Variants in PSMF1 observed in about 807,000 individuals in gnomAD.
The protein encoded by PSMF1 is proteasome inhibitor PI31 subunit.
Under a neutral mutation model 29.3 loss-of-function variants are expected in PSMF1, and 30 were observed. That is an observed-to-expected ratio of 1.02 (90% CI 0.77 to 1.39). The LOEUF (loss-of-function observed/expected upper bound fraction) is 1.39, where lower values mean the gene tolerates loss of function less well. PSMF1 is among the 40% of genes most tolerant of loss of function. The pLI, the probability that PSMF1 is intolerant of heterozygous loss-of-function variation, is 0.00. For synonymous variants in PSMF1, 134 were observed against 139.7 expected (o/e 0.96, Z 0.29); for missense variants, 344 against 357.5 (o/e 0.96, Z 0.31).
chr20:1,116,108 A>G (rs2086010054), upstream of PSMF1, among the ~76,000 whole-genome samples: 1 of 151,758 alleles, frequency 6.6e-6, no homozygotes, highest in Admixed American at 6.6e-5. Flanking sequence ...TCTGGCCCAC[A>G]GTAGGCACTT....
intron 4 of PSMF1, among the ~76,000 whole-genome samples, chr20:1,159,606 A>T (rs1006024799): frequency 1.3e-5 from 2 of 152,124 alleles, no homozygotes; most frequent in Non-Finnish European, 2.9e-5. Context: ...GAAGCCCCCT[A>T]TGTTTGCCAC....
At chr20:1,117,037 T>G (rs1373200166), upstream of PSMF1, among the ~76,000 whole-genome samples, 1 of 152,068 alleles carries the variant, frequency 6.6e-6, no homozygotes, top group Non-Finnish European at 1.5e-5. Flanking sequence ...CAGACCAGAG[T>G]GGAAGCAGTG....
Position 1,165,069 on chromosome 20 carries a change from A to G in PSMF1, c.805A>G (p.Met269Val). 2 of 1,614,076 alleles carry G rather than the reference A, an allele frequency of 1.2e-6. No individual in the cohort carries two copies. The highest frequency in any genetic ancestry group is 8.5e-7 in the Non-Finnish European group (1 of 1,180,022). ...DHLPPPGYDD[M>V]YL ...TCTCCCCCCGCCGGGCTACGATGAC[A>G]TGTACCTGTGAAGGCCTCAAGAATG... The change falls in exon 7 of 7, where the codon ATG (methionine) becomes GTG (valine). Residue 269 changes from methionine (M) to valine (V), a missense_variant. By Grantham distance (21) the Met-to-Val change is conservative. Coordinates refer to ENST00000335877, the MANE Select transcript of PSMF1 (RefSeq NM_006814.5).
intron 3 of PSMF1, among the ~76,000 whole-genome samples, chr20:1,131,211 G>T (rs1568467794): frequency 2.0e-5 from 3 of 152,346 alleles, no homozygotes; most frequent in South Asian, 4.1e-4. Flanking sequence ...CAAAACCTGT[G>T]GAAGAACCTA....
chr20:1,150,502 G>C (rs2086516001), intron 4 of PSMF1, among the ~76,000 whole-genome samples: 1 of 152,112 alleles, frequency 6.6e-6, no homozygotes, highest in East Asian at 1.9e-4. Flanking sequence ...TGGGACAGGA[G>C]TCCATGAGCC....
chr20:1,161,661 A>T lies in PSMF1; in HGVS notation c.552-1469A>T, dbSNP rs375610099. 9.5e-5 allele frequency: 64 copies of T among 675,320 alleles called. 1 individual carries two copies. The African/African-American group carries it at 1.0e-3, about 11-fold the overall frequency. 41.8% of individuals were successfully genotyped at this position (675,320 alleles called of 1,614,324 possible). A position where few individuals can be genotyped will look rare whatever the true frequency, so the allele number is the denominator to read the frequency against. On this transcript the variant is annotated intron_variant, in intron 4 of 6. Coordinates refer to ENST00000335877, the MANE Select transcript of PSMF1 (RefSeq NM_006814.5). ...TGGATTAGCAAGCAGGAGTATGACAAGTCGGGCCCCTCCATGTCCACCACA... is the reference window on the plus strand; with the variant it reads ...TGGATTAGCAAGCAGGAGTATGACATGTCGGGCCCCTCCATGTCCACCACA...
intron 3 of PSMF1, among the ~76,000 whole-genome samples, chr20:1,134,202 T>C (rs1293374110): frequency 6.6e-6 from 1 of 152,144 alleles, no homozygotes; most frequent in African/African-American, 2.4e-5. Flanking sequence ...TTCCTTCCTC[T>C]ATTTTGATGT....
chr20:1,123,102 T>G (rs2086110844), intron 1 of PSMF1, among the ~76,000 whole-genome samples: 1 of 152,216 alleles, frequency 6.6e-6, no homozygotes, highest in Admixed American at 6.5e-5. Context: ...GTTTTACTTT[T>G]GTTTTTCCTC....
intron 3 of PSMF1, among the ~76,000 whole-genome samples, chr20:1,132,996 T>A (rs576661236): frequency 6.7e-6 from 1 of 148,486 alleles, no homozygotes; most frequent in South Asian, 2.1e-4. Context: ...GTAGATTCCT[T>A]GGGAATTTCA....
At chr20:1,140,100 G>T (rs1804116406) in intron 4 of PSMF1, among the ~76,000 whole-genome samples, 1 of 152,174 alleles carries the variant, frequency 6.6e-6, no homozygotes. Flanking sequence ...AAATTGGCAA[G>T]CTGATCCTAA....
chr20:1,132,969 GT>G (rs60189289), intron 3 of PSMF1, among the ~76,000 whole-genome samples: 14 of 134,084 alleles, frequency 1.0e-4, no homozygotes, highest in East Asian at 4.6e-4. Context: ...GGGTTTTTTT[GT>G]TTTTTTTTTT....
At position 1,133,339 on chromosome 20, in the gene PSMF1, A is replaced by G. The variant is rs533399857; in HGVS notation, c.366-1782A>G. On this transcript the variant is annotated intron_variant, in intron 3 of 6. Coordinates refer to ENST00000335877, the MANE Select transcript of PSMF1 (RefSeq NM_006814.5). ...TTGTCAAAAGCTTTTTTCTGTATCA[A>G]TTGATATGATCATATGATTTTTCTT... Among the ~76,000 whole-genome samples the G allele has an allele frequency of 2.0e-5, 3 of 150,834 alleles. No individual in the cohort carries two copies. In the South Asian group the frequency reaches 6.3e-4, roughly 31 times the overall value.
chr20:1,139,834 A>G (rs1032977629), intron 4 of PSMF1, among the ~76,000 whole-genome samples: 4 of 152,260 alleles, frequency 2.6e-5, no homozygotes, highest in Non-Finnish European at 5.9e-5. Flanking sequence ...ATTTATAACA[A>G]CCCCCAAAAG....
chr20:1,120,301 TG>T (rs2086070233), intron 1 of PSMF1, among the ~76,000 whole-genome samples: 1 of 152,116 alleles, frequency 6.6e-6, no homozygotes, highest in African/African-American at 2.4e-5. Context: ...ATCTCTCAAA[TG>T]GGCTCTAAGA....
chr20:1,113,981 G>A (rs1485546154), upstream of PSMF1, among the ~76,000 whole-genome samples: 2 of 152,082 alleles, frequency 1.3e-5, no homozygotes, highest in Non-Finnish European at 2.9e-5. Context: ...GTGAGCCACC[G>A]CGCCCGGCCT....
At chr20:1,153,433 T>G (rs570200481) in intron 4 of PSMF1, among the ~76,000 whole-genome samples, 1 of 152,304 alleles carries the variant, frequency 6.6e-6, no homozygotes, top group Non-Finnish European at 1.5e-5. Context: ...CCAGCAGTGC[T>G]GTGTTGAGTC....
At chr20:1,115,802 G>A (rs1034970391), upstream of PSMF1, among the ~76,000 whole-genome samples, 3 of 148,552 alleles carry the variant, frequency 2.0e-5, no homozygotes, top group African/African-American at 7.5e-5. Context: ...GCTTGATCTC[G>A]GCTCACTGCA....
chr20:1,137,118 C>T (rs1256840504), intron 4 of PSMF1, among the ~76,000 whole-genome samples: 1 of 152,172 alleles, frequency 6.6e-6, no homozygotes, highest in Non-Finnish European at 1.5e-5. Context: ...GAACGCCCTC[C>T]AACTACTATG....
At chr20:1,139,745 A>AC (rs1244736089) in intron 4 of PSMF1, among the ~76,000 whole-genome samples, 1 of 56,258 alleles carries the variant, frequency 1.8e-5, no homozygotes, top group Non-Finnish European at 4.3e-5. Flanking sequence ...ACTCCATCTC[A>AC]AAAAAAAAAA....
Sources: allele counts gnomAD v4.1 joint callset (sites outside exome capture counted in the v4.1 genomes callset), GRCh38; gene constraint gnomAD v4.1.1; transcripts MANE v1.5; gene names NCBI Gene and HGNC (gene_info 2026-07-23, HGNC 2026-07-21).